SHLD2: variants seen among roughly 807,000 people sequenced by gnomAD.
SHLD2 encodes RINN1-REV7-interacting novel NHEJ regulator 2.
Under a neutral mutation model 73.2 loss-of-function variants are expected in SHLD2, and 30 were observed. The observed-to-expected ratio is 0.41, with a 90% CI of 0.31 to 0.56. The LOEUF (loss-of-function observed/expected upper bound fraction) is 0.56, where lower values mean the gene tolerates loss of function less well. Among genes scored for constraint, SHLD2 ranks in the 20% least tolerant of loss-of-function variants. The pLI, the probability that SHLD2 is intolerant of heterozygous loss-of-function variation, is 0.28. For missense variants in SHLD2, 745 were observed against 1,055.9 expected (o/e 0.71, Z 4.08); for synonymous variants, 285 against 370.1 (o/e 0.77, Z 2.64).
chr10:87,141,341 T>G (rs1458561915), intron 2 of SHLD2, among the ~76,000 whole-genome samples: 1 of 149,526 alleles, frequency 6.7e-6, no homozygotes, highest in Non-Finnish European at 1.5e-5. Flanking sequence ...TTCGGTGTTT[T>G]TTTTTTTTTT....
At chr10:87,185,069 T>A (rs1297135003) in intron 8 of SHLD2, among the ~76,000 whole-genome samples, 2 of 152,170 alleles carry the variant, frequency 1.3e-5, no homozygotes, top group Non-Finnish European at 2.9e-5. Flanking sequence ...TCATTAGCAG[T>A]CACTCTCCAT....
At chr10:87,145,096 A>C (rs1475090877) in intron 2 of SHLD2, among the ~76,000 whole-genome samples, 2 of 147,320 alleles carry the variant, frequency 1.4e-5, no homozygotes, top group African/African-American at 5.1e-5. Context: ...GCCCACCACC[A>C]CGCTCGGCTA....
chr10:87,181,672 A>G (rs1259909421), intron 8 of SHLD2, among the ~76,000 whole-genome samples: 1 of 151,576 alleles, frequency 6.6e-6, no homozygotes, highest in African/African-American at 2.4e-5. Flanking sequence ...TTCCTAAACT[A>G]TACCACATTA....
At chr10:87,123,711 G>A (rs1418654048) in intron 2 of SHLD2, among the ~76,000 whole-genome samples, 1 of 152,148 alleles carries the variant, frequency 6.6e-6, no homozygotes, top group African/African-American at 2.4e-5. Flanking sequence ...AGGTGTTTGG[G>A]TCATGAGGCA....
rs1847529555 is a variant in SHLD2, at chr10:87,170,589, T to A, written c.1745T>A (p.Ile582Lys). The A allele has an allele frequency of 6.2e-7, 1 of 1,613,598 alleles. No homozygotes were observed. The highest frequency in any genetic ancestry group is 8.5e-7 in the Non-Finnish European group (1 of 1,179,796). Reference protein sequence around the residue: ...PPRQPQRVNSIDFVELEHLQP... With the variant: ...PPRQPQRVNSKDFVELEHLQP... ...AGGCAGCCTCAGAGGGTGAACAGTA[T>A]AGACTTTGTAGAATTGGAGCACCTT... Residue 582 changes from isoleucine (I) to lysine (K), a missense_variant, in exon 5 of 10, where the codon ATA (isoleucine) becomes AAA (lysine). Around this residue, in one of 5 missense-constraint regions of SHLD2, gnomAD observed 418 missense variants for 567.8 expected, o/e 0.74. Transcript: ENST00000298786.
intron 2 of SHLD2, among the ~76,000 whole-genome samples, chr10:87,140,981 AAAC>A (rs1341875249): frequency 6.6e-6 from 1 of 151,856 alleles, no homozygotes; most frequent in Non-Finnish European, 1.5e-5. Context: ...TCTCAAAACA[AAAC>A]AAAACCAAAA....
chr10:87,097,422 G>A (rs4309067), intron 2 of SHLD2, among the ~76,000 whole-genome samples: 2 of 151,864 alleles, frequency 1.3e-5, no homozygotes, highest in African/African-American at 2.4e-5. Flanking sequence ...TAAGCCAAGC[G>A]TGGTGGGGGG....
Position 87,161,795 on chromosome 10 carries a change from A to G in SHLD2, c.1633+3640A>G, listed in dbSNP as rs183937984. ...TCATAGGGGAAAACAGACATGCAAG[A>G]ATAGCTAGGAAAAGACTGACAAAGG... On this transcript the variant is annotated intron_variant, in intron 4 of 9. Transcript: ENST00000298786. Among the ~76,000 whole-genome samples the G allele has an allele frequency of 7.7e-3, 1,166 of 152,298 alleles. 17 individuals are homozygous for G. The highest frequency in any genetic ancestry group is 0.027 in the African/African-American group (1,121 of 41,550).
At chr10:87,185,917 A>C (rs1368761428) in intron 8 of SHLD2, among the ~76,000 whole-genome samples, 2 of 152,130 alleles carry the variant, frequency 1.3e-5, no homozygotes, top group Non-Finnish European at 2.9e-5. Flanking sequence ...TGTGTTGCCC[A>C]GGCTGGTCTC....
intron 2 of SHLD2, among the ~76,000 whole-genome samples, chr10:87,112,568 G>A (rs1260258425): frequency 1.3e-5 from 2 of 151,778 alleles, no homozygotes; most frequent in Non-Finnish European, 2.9e-5. Flanking sequence ...CTGTGCCGTC[G>A]AGGCTGCAGT....
chr10:87,097,765 T>C (rs144883751), intron 2 of SHLD2, among the ~76,000 whole-genome samples: 1 of 152,068 alleles, frequency 6.6e-6, no homozygotes, highest in Admixed American at 6.6e-5. Flanking sequence ...TGGTTTTGTT[T>C]TGTTTTGTTT....
At chr10:87,116,754 T>C (rs1040547623) in intron 2 of SHLD2, among the ~76,000 whole-genome samples, 3 of 152,192 alleles carry the variant, frequency 2.0e-5, no homozygotes, top group Admixed American at 6.5e-5. Flanking sequence ...TATATTTGTA[T>C]GAATGATCTC....
chr10:87,157,788 A>T (rs549329869), intron 3 of SHLD2, among the ~76,000 whole-genome samples: 1 of 152,342 alleles, frequency 6.6e-6, no homozygotes, highest in South Asian at 2.1e-4. Context: ...AATAAAAACT[A>T]TTAAGCCTTT....
Position 87,180,193 on chromosome 10 carries a change from C to G in SHLD2, c.2289C>G (p.Ile763Met). Reference protein sequence around the residue: ...LKSIFSSLPNIVYTGCAKCGL... With the variant: ...LKSIFSSLPNMVYTGCAKCGL... Reference sequence around the variant, plus strand: ...GTATTTTTTCTTCTCTTCCCAACATCGTATATACTGGTTGTGCAAAATGTG... The same window carrying G: ...GTATTTTTTCTTCTCTTCCCAACATGGTATATACTGGTTGTGCAAAATGTG... The change falls in exon 8 of 10, where the codon ATC becomes ATG. Residue 763 changes from isoleucine to methionine, a missense_variant. Ile to Met is a conservative substitution (Grantham distance 10). Transcript: ENST00000298786. 2 of 1,613,044 alleles carry G rather than the reference C, an allele frequency of 1.2e-6. No homozygotes were observed. Among genetic ancestry groups the G allele is most frequent in the Non-Finnish European group, 1.7e-6 (2 of 1,179,174 alleles).
rs1386546535 is a variant in SHLD2, at chr10:87,175,917, T to C, written c.1992T>C (p.Phe664=). The change falls in exon 7 of 10, where the codon TTT becomes TTC. Residue 664 remains phenylalanine, a synonymous_variant. Coordinates refer to ENST00000298786, the MANE Select transcript of SHLD2 (RefSeq NM_001330112.2). ...ATATTTGGGAATTTAAATATCTTTT[T>C]GTTCAGTGCAATTACACACTAGAAA... ...KGYIWEFKYL[F]VQCNYTLENL... is the part of the protein sequence containing the mutation. 72 of 1,550,760 alleles carry C rather than the reference T, an allele frequency of 4.6e-5. No individual in the cohort carries two copies. Among genetic ancestry groups the C allele is most frequent in the Non-Finnish European group, 6.1e-5 (70 of 1,146,954 alleles).
At chr10:87,106,251 C>T (rs1296499823) in intron 2 of SHLD2, among the ~76,000 whole-genome samples, 3 of 152,142 alleles carry the variant, frequency 2.0e-5, no homozygotes, top group South Asian at 2.1e-4. Context: ...GTGATCCACC[C>T]GCCTCAGCCT....
chr10:87,122,398 G>A (rs1843695317), intron 2 of SHLD2, among the ~76,000 whole-genome samples: 1 of 152,154 alleles, frequency 6.6e-6, no homozygotes, highest in Admixed American at 6.5e-5. Context: ...TTCCTAGCCT[G>A]TCCATCCTTC....
chr10:87,096,632 A>G (rs1456018901), intron 1 of SHLD2, among the ~76,000 whole-genome samples: 1 of 152,162 alleles, frequency 6.6e-6, no homozygotes, highest in Non-Finnish European at 1.5e-5. Flanking sequence ...CAAACACCAC[A>G]TTACTAGCGT....
At chr10:87,156,185 G>A (rs1239809818) in intron 3 of SHLD2, among the ~76,000 whole-genome samples, 2 of 150,962 alleles carry the variant, frequency 1.3e-5, no homozygotes, top group Non-Finnish European at 2.9e-5. Context: ...TCCTGCCTCA[G>A]CCTCCCAAGT....
Sources: gnomAD v4.1 joint callset for allele counts (sites outside exome capture counted in the v4.1 genomes callset) on GRCh38, gnomAD v4.1.1 for gene constraint, gnomAD v4.1.1 regional missense constraint, MANE v1.5 for transcripts, NCBI Gene and HGNC (gene_info 2026-07-23, HGNC 2026-07-21) for gene names.